The following SLC26A4 variants were observed in gnomAD, a reference collection of about 807,000 sequenced individuals.
The protein encoded by SLC26A4 is solute carrier family 26 member 4.
SLC26A4 carries 93 observed loss-of-function variants against 90.4 expected under a neutral mutation model. The observed-to-expected ratio is 1.03, with a 90% CI of 0.87 to 1.22. SLC26A4 has a LOEUF of 1.22. Ranked by LOEUF, SLC26A4 falls within the 50% of genes most tolerant of loss-of-function variation. The pLI, the probability that SLC26A4 is intolerant of heterozygous loss-of-function variation, is 0.00. For synonymous variants in SLC26A4, 393 were observed against 354.6 expected, an observed-to-expected ratio of 1.11 and a Z score of -1.22; for missense variants, 1,127 against 946.2, an observed-to-expected ratio of 1.19 and a Z score of -2.51.
intron 4 of SLC26A4, among the ~76,000 whole-genome samples, chr7:107,672,821 A>G (rs1217132756): frequency 6.6e-6 from 1 of 152,218 alleles, no homozygotes; most frequent in Non-Finnish European, 1.5e-5. Context: ...TTTTCCTGCT[A>G]TTCCTAAAAT....
intron 4 of SLC26A4, 81 bp from the exon 5 acceptor site, chr7:107,674,083 T>C (rs1790945405): frequency 5.1e-6 from 7 of 1,361,318 alleles, no homozygotes; most frequent in Non-Finnish European, 6.3e-6. Flanking sequence ...AAATCTTTTA[T>C]ACATTTTTTA....
At chr7:107,688,904 A>T (rs1459091926) in intron 8 of SLC26A4, 149 bp from the exon 9 acceptor site, 2 of 750,594 alleles carry the variant, frequency 2.7e-6, no homozygotes, top group Non-Finnish European at 4.5e-6. Flanking sequence ...AGCTGCTACT[A>T]TCATGTATGT....
chr7:107,682,380 T>TA (rs1051673873), intron 6 of SLC26A4, among the ~76,000 whole-genome samples: 9 of 151,740 alleles, frequency 5.9e-5, no homozygotes, highest in East Asian at 1.9e-4. Context: ...CTTTAGGAAT[T>TA]AAAAAAAAGA....
intron 19 of SLC26A4, among the ~76,000 whole-genome samples, chr7:107,711,942 A>G (rs1333804023): frequency 6.6e-6 from 1 of 152,214 alleles, no homozygotes; most frequent in East Asian, 1.9e-4. Context: ...TAGCCTGGAT[A>G]TATATTTGGA....
chr7:107,684,020 T>C (rs1463028505), intron 8 of SLC26A4, among the ~76,000 whole-genome samples: 1 of 152,206 alleles, frequency 6.6e-6, no homozygotes, highest in East Asian at 1.9e-4. Flanking sequence ...TTTGGTAGTT[T>C]GGTGAATTAG....
rs1205712508 is a variant in SLC26A4, at chr7:107,674,311, T to C, written c.563T>C (p.Ile188Thr). Residue 188 changes from isoleucine to threonine, a missense_variant, in exon 5 of 21, where the codon ATT becomes ACT. Physicochemically the swap from Ile to Thr is moderately conservative, Grantham distance 89. Coordinates refer to ENST00000644269, the MANE Select transcript of SLC26A4 (RefSeq NM_000441.2). ...TAARDTARVL[I>T]ASALTLLVGI... The stretch of plus-strand genomic sequence containing the variant: ...GCTAGAGATACAGCTAGAGTCCTGA[T>C]TGCCAGTGCCCTGACTCTGCTGGTT... 1.6e-5 allele frequency: 26 copies of C among 1,613,826 alleles called. No individual in the cohort carries two copies. The highest frequency in any genetic ancestry group is 2.2e-5 in the East Asian group (1 of 44,892).
At position 107,712,595 on chromosome 7, in the gene SLC26A4, GGAA is replaced by G. The variant is rs1186531903; in HGVS notation, c.2299_2301del (p.Glu767del). The G allele has an allele frequency of 2.1e-5, 33 of 1,585,118 alleles. No homozygotes were observed. In the East Asian group the frequency reaches 4.2e-4, roughly 20 times the overall value. ...TTGAATTAATAGAAACAGAGCTGAC[GGAA>G]GAAGAACTTGATGTCCAGGATGAGG... On this transcript the variant is annotated inframe_deletion, in exon 20 of 21. Transcript: ENST00000644269.
intron 8 of SLC26A4, among the ~76,000 whole-genome samples, chr7:107,687,043 G>A (rs1363520675): frequency 6.6e-6 from 1 of 152,212 alleles, no homozygotes; most frequent in Non-Finnish European, 1.5e-5. Flanking sequence ...CCAGTCTGAA[G>A]TACTCTGGTA....
chr7:107,679,893 TATAATCTTA>T (rs1411788763), intron 6 of SLC26A4, among the ~76,000 whole-genome samples: 12 of 84,454 alleles, frequency 1.4e-4, no homozygotes, highest in African/African-American at 9.7e-4. Context: ...TCTTATCTTA[TATAATCTTA>T]TATTATATGC....
At position 107,666,310 on chromosome 7, in the gene SLC26A4, C is replaced by A. The variant is rs554594268; in HGVS notation, c.304+2875C>A. ...GATCACAGCTCACCACAGCCTTGGC[C>A]TCCTGGGCCCAGGTGATCCTCCCAT... On this transcript the variant is annotated intron_variant, in intron 3 of 20. Transcript: ENST00000644269. Among the ~76,000 whole-genome samples the A allele has an allele frequency of 2.6e-5, 4 of 152,274 alleles. No individual in the cohort carries two copies. The South Asian group carries it at 8.3e-4, about 32-fold the overall frequency.
At chr7:107,683,588 CT>C (rs772654725) in intron 8 of SLC26A4, 51 bp downstream of exon 8, 8 of 1,415,422 alleles carry the variant, frequency 5.7e-6, no homozygotes, top group South Asian at 2.4e-5. Flanking sequence ...GTAAGTCAGT[CT>C]TTTTTATTTA....
At chr7:107,671,400 T>C (rs771239957) in intron 3 of SLC26A4, among the ~76,000 whole-genome samples, 1 of 152,226 alleles carries the variant, frequency 6.6e-6, no homozygotes. Flanking sequence ...GCTCAACTGA[T>C]ACTCCTGCCT....
intron 10 of SLC26A4, among the ~76,000 whole-genome samples, chr7:107,690,856 G>A (rs1791547069): frequency 6.6e-6 from 1 of 152,006 alleles, no homozygotes; most frequent in Non-Finnish European, 1.5e-5. Flanking sequence ...CAGCATCCTA[G>A]TTAATCTCTG....
intron 6 of SLC26A4, among the ~76,000 whole-genome samples, chr7:107,680,314 T>A (rs1351802326): frequency 1.5e-5 from 2 of 137,450 alleles, no homozygotes; most frequent in African/African-American, 5.4e-5. Flanking sequence ...TAATCTTATA[T>A]TATTATATAA....
rs1790890770 is a variant in SLC26A4, at chr7:107,672,246, T to G, written c.413T>G (p.Val138Gly). Reference sequence around the variant, plus strand: ...TTTGGAACATCAAGACATATCTCAGTTGGTAATTATAAGTATATTTTACAA... The same window carrying G: ...TTTGGAACATCAAGACATATCTCAGGTGGTAATTATAAGTATATTTTACAA... ...FIFGTSRHIS[V>G]GPFPVVSLMV... Residue 138 changes from valine to glycine, a missense_variant and splice_region_variant, in exon 4 of 21, where the codon GTT becomes GGT. By Grantham distance (109) the Val-to-Gly change is moderately radical. Coordinates refer to ENST00000644269, the MANE Select transcript of SLC26A4 (RefSeq NM_000441.2). 1.3e-6 allele frequency: 2 copies of G among 1,558,098 alleles called. No homozygotes were observed. Among genetic ancestry groups the G allele is most frequent in the African/African-American group, 2.7e-5 (2 of 73,946 alleles).
intron 18 of SLC26A4, among the ~76,000 whole-genome samples, chr7:107,708,100 C>G (rs1426234082): frequency 1.3e-5 from 2 of 152,234 alleles, no homozygotes; most frequent in African/African-American, 2.4e-5. Context: ...TCTGAGAAAA[C>G]TCTATTGTTC....
chr7:107,689,022 T>A lies in SLC26A4; in HGVS notation c.1002-31T>A, dbSNP rs749199048. ...GGGAAAAAGGATGGTGGTCAAATCT[T>A]CACAGCATTTTTCACTTAAAAACTC... On this transcript the variant is annotated intron_variant, in intron 8 of 20. Coordinates refer to ENST00000644269, the MANE Select transcript of SLC26A4 (RefSeq NM_000441.2). The A allele has an allele frequency of 6.2e-6, 10 of 1,613,140 alleles. No individual in the cohort carries two copies. The highest frequency in any genetic ancestry group is 3.3e-4 in the Middle Eastern group (2 of 6,054).
In SLC26A4 at chr7:107,710,505, C is replaced by T. The variant is rs116656171; in HGVS notation, c.2235+306C>T. Among the ~76,000 whole-genome samples the T allele has an allele frequency of 6.3e-3, 954 of 152,274 alleles. 14 individuals are homozygous for T. Among genetic ancestry groups the T allele is most frequent in the African/African-American group, 0.022 (924 of 41,550 alleles). Reference sequence around the variant, plus strand: ...ATAATGCCTTTTAAGAATATTGAATCTTGGATCTTTTGTGATCTGGGATTT... The same window carrying T: ...ATAATGCCTTTTAAGAATATTGAATTTTGGATCTTTTGTGATCTGGGATTT... On this transcript the variant is annotated intron_variant, in intron 19 of 20. Transcript: ENST00000644269.
Position 107,661,440 on chromosome 7 carries a change from C to G in SLC26A4, c.-3-199C>G. 5 of 627,822 alleles carry G rather than the reference C, an allele frequency of 8.0e-6. No individual in the cohort carries two copies. Among genetic ancestry groups the G allele is most frequent in the Non-Finnish European group, 1.4e-5 (5 of 356,050 alleles). 38.9% of individuals were successfully genotyped at this position (627,822 alleles called of 1,614,324 possible). A position where few individuals can be genotyped will look rare whatever the true frequency, so the allele number is the denominator to read the frequency against. On this transcript the variant is annotated intron_variant, in intron 1 of 20. Transcript: ENST00000644269. The surrounding 1 kb of genome is among the most constrained non-coding windows in gnomAD (Gnocchi z 5.1). ...CACGAGACCCGAAGGTTCTCAGGTG[C>G]CCCCCTGCAGGCTGGCCGTGCGCGC...
Sources: gnomAD v4.1 joint callset for allele counts (sites outside exome capture counted in the v4.1 genomes callset) on GRCh38, gnomAD v4.1.1 for gene constraint, Gnocchi (gnomAD v3.1) non-coding constraint, MANE v1.5 for transcripts, NCBI Gene and HGNC (gene_info 2026-07-23, HGNC 2026-07-21) for gene names.